Variants in MEI4 observed in about 807,000 individuals in gnomAD.
MEI4 encodes the protein meiotic double-stranded break formation protein 4.
A neutral mutation model predicts 31.4 loss-of-function variants in MEI4; 27 were observed. The ratio of observed to expected loss-of-function variants is 0.86; its 90% CI spans 0.63 to 1.19. The LOEUF is 1.19. MEI4 is among the 50% of genes most tolerant of loss of function. The probability of loss-of-function intolerance (pLI) is 0.00; values close to 1 mark genes in which losing one functional copy is unlikely to be tolerated. For missense variants in MEI4, 329 were observed against 398.9 expected (o/e 0.82, Z 1.49); for synonymous variants, 122 against 145.4 (o/e 0.84, Z 1.16).
At chr6:77,773,627 C>T (rs1411003564) in intron 3 of MEI4, among the ~76,000 whole-genome samples, 1 of 152,012 alleles carries the variant, frequency 6.6e-6, no homozygotes, top group East Asian at 1.9e-4. Flanking sequence ...TTGAGTAATA[C>T]CTCACAAGCA....
In MEI4 at chr6:77,923,223, A is replaced by AT. The variant is rs1252501952; in HGVS notation, c.1038dup (p.Leu347SerfsTer5). The AT allele has an allele frequency of 8.1e-7, 1 of 1,230,422 alleles. No homozygotes were observed. Among genetic ancestry groups the AT allele is most frequent in the Non-Finnish European group, 1.0e-6 (1 of 986,918 alleles). 76.2% of individuals were successfully genotyped at this position (1,230,422 alleles called of 1,614,324 possible). Reference sequence around the variant, plus strand: ...GTCATGATGACCAAGAAATCAAGAAATTTCTTCAGAAGCATGATGAAACTA... The same window carrying AT: ...GTCATGATGACCAAGAAATCAAGAAATTTTCTTCAGAAGCATGATGAAACTA... On this transcript the variant is annotated frameshift_variant, in exon 5 of 5. Coordinates refer to ENST00000684080, the MANE Select transcript of MEI4 (RefSeq NM_001322247.2). LOFTEE classifies it high-confidence loss of function.
At chr6:77,748,526 C>T (rs958315759) in intron 2 of MEI4, among the ~76,000 whole-genome samples, 2 of 152,178 alleles carry the variant, frequency 1.3e-5, no homozygotes, top group South Asian at 2.1e-4. Context: ...TGGTCCTGGG[C>T]CTAGCCCAGG....
intron 2 of MEI4, among the ~76,000 whole-genome samples, chr6:77,747,305 C>G (rs9361273): frequency 0.019 from 2,876 of 152,048 alleles, 64 homozygotes; most frequent in East Asian, 0.087. Context: ...GAGCAAGACT[C>G]AAGACTCCAT....
chr6:77,799,019 T>G (rs199758575), intron 3 of MEI4, among the ~76,000 whole-genome samples: 6 of 152,142 alleles, frequency 3.9e-5, no homozygotes, highest in South Asian at 2.1e-4. Context: ...GTAATGGGAT[T>G]GCTGGGTCAA....
chr6:77,857,575 C>T (rs1278706725), intron 4 of MEI4, among the ~76,000 whole-genome samples: 1 of 152,214 alleles, frequency 6.6e-6, no homozygotes, highest in Non-Finnish European at 1.5e-5. Context: ...TACTCTCCTA[C>T]TCATGAGTTA....
At chr6:77,922,444 T>G (rs1227508566) in intron 4 of MEI4, among the ~76,000 whole-genome samples, 1 of 151,680 alleles carries the variant, frequency 6.6e-6, no homozygotes, top group Non-Finnish European at 1.5e-5. Context: ...AAAGCCAGTT[T>G]TCATTTTTAT....
intron 1 of MEI4, among the ~76,000 whole-genome samples, chr6:77,680,068 T>G (rs1768924523): frequency 7.1e-6 from 1 of 140,060 alleles, no homozygotes; most frequent in Admixed American, 7.7e-5. Context: ...AAAAATGGTC[T>G]TGTACATCCT....
intron 3 of MEI4, among the ~76,000 whole-genome samples, chr6:77,768,310 G>A (rs906597010): frequency 1.3e-5 from 2 of 152,166 alleles, no homozygotes; most frequent in South Asian, 4.1e-4. Flanking sequence ...AATATTCATT[G>A]GTAATGAAAG....
At chr6:77,707,964 C>G (rs925201263) in intron 2 of MEI4, among the ~76,000 whole-genome samples, 1 of 152,348 alleles carries the variant, frequency 6.6e-6, no homozygotes, top group African/African-American at 2.4e-5. Context: ...AGCCAGAAGC[C>G]TGCTACAGGG....
intron 4 of MEI4, among the ~76,000 whole-genome samples, chr6:77,873,632 G>A (rs939169246): frequency 2.6e-5 from 4 of 152,080 alleles, no homozygotes; most frequent in Admixed American, 1.3e-4. Flanking sequence ...GTCAATTTTG[G>A]CTTTTGTTGC....
intron 2 of MEI4, among the ~76,000 whole-genome samples, chr6:77,728,451 C>A (rs1305537820): frequency 3.3e-5 from 5 of 152,050 alleles, no homozygotes; most frequent in Admixed American, 3.3e-4. Flanking sequence ...CTTTATTCAG[C>A]CAAAACACTT....
intron 2 of MEI4, among the ~76,000 whole-genome samples, chr6:77,703,426 TATC>T (rs1362032223): frequency 6.6e-6 from 1 of 152,206 alleles, no homozygotes; most frequent in Non-Finnish European, 1.5e-5. Context: ...GTTAGCTTCT[TATC>T]AGTGCAACAA....
At chr6:77,713,379 T>C (rs952352735) in intron 2 of MEI4, among the ~76,000 whole-genome samples, 4 of 151,956 alleles carry the variant, frequency 2.6e-5, no homozygotes, top group African/African-American at 9.7e-5. Context: ...TTTTTTTGTT[T>C]GTTTGTTTTA....
At chr6:77,867,675 T>C (rs1479126208) in intron 4 of MEI4, among the ~76,000 whole-genome samples, 1 of 152,184 alleles carries the variant, frequency 6.6e-6, no homozygotes, top group Non-Finnish European at 1.5e-5. Flanking sequence ...CTCAGGGGTC[T>C]AGAACTAGAA....
At chr6:77,693,872 G>A (rs572390063) in intron 2 of MEI4, among the ~76,000 whole-genome samples, 1 of 152,150 alleles carries the variant, frequency 6.6e-6, no homozygotes, top group East Asian at 1.9e-4. Flanking sequence ...AGAATTTTCA[G>A]TGTTGTTTTA....
At chr6:77,681,413 C>T (rs1207563319) in intron 1 of MEI4, among the ~76,000 whole-genome samples, 4 of 152,130 alleles carry the variant, frequency 2.6e-5, no homozygotes, top group Non-Finnish European at 5.9e-5. Context: ...GGTGTAACCA[C>T]GAAACACCTA....
intron 3 of MEI4, among the ~76,000 whole-genome samples, chr6:77,770,254 C>T (rs910621848): frequency 1.3e-5 from 2 of 151,940 alleles, no homozygotes; most frequent in African/African-American, 4.8e-5. Flanking sequence ...CATATACAAC[C>T]TACCAAGATT....
rs577519845 is a variant in MEI4 at position 77,661,445 on chromosome 6, G to A, written c.-15+8353G>A. Among the ~76,000 whole-genome samples the A allele has an allele frequency of 3.3e-5, 5 of 152,274 alleles. No individual in the cohort carries two copies. The South Asian group carries it at 1.0e-3, about 32-fold the overall frequency. On this transcript the variant is annotated intron_variant, in intron 1 of 4. Coordinates refer to ENST00000684080, the MANE Select transcript of MEI4 (RefSeq NM_001322247.2). Reference sequence around the variant, plus strand: ...GAAGGCCTCTACCCATCCAGTGAAAGTGTCTACCCAGACTAAGAGATATTT... The same window carrying A: ...GAAGGCCTCTACCCATCCAGTGAAAATGTCTACCCAGACTAAGAGATATTT...
intron 4 of MEI4, among the ~76,000 whole-genome samples, chr6:77,905,703 A>T (rs1312370330): frequency 1.3e-5 from 2 of 150,532 alleles, no homozygotes; most frequent in Non-Finnish European, 3.0e-5. Context: ...TCACTGTGTT[A>T]GCCAGGATGG....
Sources: allele counts gnomAD v4.1 joint callset (sites outside exome capture counted in the v4.1 genomes callset), GRCh38; gene constraint gnomAD v4.1.1; transcripts MANE v1.5; gene names NCBI Gene and HGNC (gene_info 2026-07-23, HGNC 2026-07-21).